Variants in SEL1L2 observed in about 807,000 individuals in gnomAD.
The protein encoded by SEL1L2 is protein sel-1 homolog 2.
Under a neutral mutation model 98.8 loss-of-function variants are expected in SEL1L2, and 89 were observed. The observed-to-expected ratio is 0.90, with a 90% CI of 0.76 to 1.07. The LOEUF is 1.07. Ranked by LOEUF, SEL1L2 falls within the 50% of genes least tolerant of loss-of-function variation. The pLI is 0.00. For missense variants in SEL1L2, 788 were observed against 812.0 expected, an observed-to-expected ratio of 0.97 and a Z score of 0.36; for synonymous variants, 262 against 278.5, an observed-to-expected ratio of 0.94 and a Z score of 0.59.
intron 2 of SEL1L2, among the ~76,000 whole-genome samples, chr20:13,940,359 G>GT (rs1378832813): frequency 6.6e-6 from 1 of 152,210 alleles, no homozygotes; most frequent in Non-Finnish European, 1.5e-5. Context: ...AGAAAGGACA[G>GT]TAAGTACGAA....
Position 13,913,929 on chromosome 20 carries a change from A to C in SEL1L2, c.402T>G (p.Phe134Leu). ...QKQKEEAYLL[F>L]AKAADMGNLK... ...AGTTTCCCATGTCAGCTGCTTTGGC[A>C]AAAAGTAGGTAGGCTCTGTTTCAAG... Residue 134 changes from phenylalanine to leucine, a missense_variant, in exon 5 of 20, where the codon TTT becomes TTG. Transcript: ENST00000284951. The C allele has an allele frequency of 1.3e-6, 2 of 1,561,554 alleles. No homozygotes were observed. The highest frequency in any genetic ancestry group is 1.7e-6 in the Non-Finnish European group (2 of 1,163,236).
At chr20:13,938,303 A>G (rs1405718114) in intron 2 of SEL1L2, among the ~76,000 whole-genome samples, 1 of 151,556 alleles carries the variant, frequency 6.6e-6, no homozygotes, top group African/African-American at 2.4e-5. Context: ...CTCATCTCGA[A>G]CCCCTGACCT....
At chr20:13,872,382 C>T (rs574869777) in intron 12 of SEL1L2, among the ~76,000 whole-genome samples, 7 of 152,284 alleles carry the variant, frequency 4.6e-5, no homozygotes, top group South Asian at 2.1e-4. Context: ...AGTTCTCATG[C>T]GATCTGATGG....
At chr20:13,970,923 C>T (rs919873048) in intron 1 of SEL1L2, among the ~76,000 whole-genome samples, 1 of 149,346 alleles carries the variant, frequency 6.7e-6, no homozygotes, top group Non-Finnish European at 1.5e-5. Flanking sequence ...ATATCTATTA[C>T]TATATAGGAA....
intron 18 of SEL1L2, among the ~76,000 whole-genome samples, chr20:13,853,588 C>T (rs775137763): frequency 6.6e-6 from 1 of 152,132 alleles, no homozygotes; most frequent in Non-Finnish European, 1.5e-5. Context: ...TTACTGTGTG[C>T]CAGTTACCAC....
Position 13,859,278 on chromosome 20 carries a change from C to T in SEL1L2, c.1802G>A (p.Gly601Asp), listed in dbSNP as rs143876249. The change falls in exon 18 of 20, where the codon GGC (glycine) becomes GAC (aspartate). Residue 601 changes from glycine to aspartate, a missense_variant. Physicochemically the swap from Gly to Asp is moderately conservative, Grantham distance 94. Coordinates refer to ENST00000284951, the MANE Select transcript of SEL1L2 (RefSeq NM_025229.2). ...CAAAATTACCTTTGTGATGCCTAAG[C>T]CGTGTTCATACATATAAGCCAGATT... is the stretch of plus-strand genomic sequence containing the variant. ...MFNLAYMYEH[G>D]LGITKDIHLA... 6.2e-7 allele frequency: 1 copy of T among 1,613,938 alleles called. No individual in the cohort carries two copies. The highest frequency in any genetic ancestry group is 1.3e-5 in the African/African-American group (1 of 74,926).
At chr20:13,974,495 T>TC (rs959125019) in intron 1 of SEL1L2, among the ~76,000 whole-genome samples, 1 of 146,854 alleles carries the variant, frequency 6.8e-6, no homozygotes, top group African/African-American at 2.5e-5. Flanking sequence ...TTTTTTTTTT[T>TC]TGAGACAGAG....
chr20:13,887,648 C>A, intron 8 of SEL1L2, 121 bp downstream of exon 8: 1 of 657,530 alleles, frequency 1.5e-6, no homozygotes, highest in Non-Finnish European at 2.6e-6. Flanking sequence ...TGTATTATAA[C>A]ATATTAAAAA....
intron 11 of SEL1L2, 125 bp downstream of exon 11, chr20:13,877,394 TG>T (rs1320594196): frequency 4.5e-6 from 3 of 662,678 alleles, no homozygotes; most frequent in Non-Finnish European, 7.9e-6. Flanking sequence ...GCTGGTTGCC[TG>T]TGCTCAATGA....
intron 1 of SEL1L2, among the ~76,000 whole-genome samples, chr20:13,963,897 A>G (rs1030950447): frequency 2.0e-5 from 3 of 151,810 alleles, no homozygotes; most frequent in African/African-American, 7.3e-5. Context: ...CTTGAGATGG[A>G]CTTTTGCTCT....
intron 3 of SEL1L2, among the ~76,000 whole-genome samples, chr20:13,922,475 C>T (rs185008109): frequency 6.6e-6 from 1 of 152,178 alleles, no homozygotes; most frequent in Admixed American, 6.5e-5. Context: ...TCCTGACACA[C>T]ATAAGGGCAA....
At chr20:13,929,378 T>G (rs2049029411) in intron 3 of SEL1L2, among the ~76,000 whole-genome samples, 1 of 151,992 alleles carries the variant, frequency 6.6e-6, no homozygotes, top group Non-Finnish European at 1.5e-5. Context: ...TTTTACTAAC[T>G]ATGCTTCTAC....
chr20:13,856,439 A>T (rs916895568), intron 18 of SEL1L2, among the ~76,000 whole-genome samples: 2 of 152,118 alleles, frequency 1.3e-5, no homozygotes, highest in African/African-American at 4.8e-5. Context: ...CCTCTGAGAA[A>T]CAGTTTCATA....
At chr20:13,970,897 ATATAT>A in intron 1 of SEL1L2, among the ~76,000 whole-genome samples, 2 of 148,858 alleles carry the variant, frequency 1.3e-5, no homozygotes, top group Admixed American at 1.3e-4. Context: ...ATATTACTAT[ATATAT>A]TATATATACT....
chr20:13,858,819 C>A (rs113299173), intron 18 of SEL1L2, among the ~76,000 whole-genome samples: 3 of 152,190 alleles, frequency 2.0e-5, no homozygotes, highest in Non-Finnish European at 4.4e-5. Context: ...ACAGTAGGTG[C>A]TTCATAAGAC....
chr20:13,859,828 T>C (rs779985898), intron 17 of SEL1L2, among the ~76,000 whole-genome samples: 6 of 152,162 alleles, frequency 3.9e-5, no homozygotes, highest in Non-Finnish European at 7.3e-5. Flanking sequence ...ATCTCCCAAG[T>C]AGCTGGGATT....
intron 12 of SEL1L2, among the ~76,000 whole-genome samples, chr20:13,870,986 C>T (rs983208877): frequency 6.7e-6 from 1 of 149,230 alleles, no homozygotes; most frequent in Non-Finnish European, 1.5e-5. Context: ...AAGAGGGACA[C>T]TCTATTGCCT....
At chr20:13,940,659 C>T (rs1014752988) in intron 2 of SEL1L2, among the ~76,000 whole-genome samples, 3 of 151,986 alleles carry the variant, frequency 2.0e-5, no homozygotes, top group Admixed American at 6.6e-5. Context: ...AGGGGCTGGG[C>T]GTGGTGGCTC....
At position 13,850,220 on chromosome 20, in the gene SEL1L2, G is replaced by A. The variant is rs1306712447; in HGVS notation, c.1918C>T (p.His640Tyr). 1 of 1,614,012 alleles carries A rather than the reference G, an allele frequency of 6.2e-7. No homozygotes were observed. The highest frequency in any genetic ancestry group is 8.5e-7 in the Non-Finnish European group (1 of 1,179,902). The part of the protein sequence containing the change: ...LFAVMKLETT[H>Y]LLRDILFFNF... The stretch of plus-strand genomic sequence containing the variant: ...AAAAACAGGATATCCCGGAGCAAAT[G>A]CGTAGTTTCCAGTTTCATGACGGCA... The change falls in exon 19 of 20, where the codon CAT becomes TAT. Residue 640 changes from histidine (H) to tyrosine (Y), a missense_variant. Physicochemically the swap from His to Tyr is moderately conservative, Grantham distance 83 (BLOSUM62 2). Transcript: ENST00000284951.
Sources: gnomAD v4.1 joint callset for allele counts (sites outside exome capture counted in the v4.1 genomes callset) on GRCh38, gnomAD v4.1.1 for gene constraint, MANE v1.5 for transcripts, NCBI Gene and HGNC (gene_info 2026-07-23, HGNC 2026-07-21) for gene names.